BNC2: variants seen among roughly 807,000 people sequenced by gnomAD.
The protein encoded by BNC2 is zinc finger protein basonuclin-2.
A neutral mutation model predicts 76.3 loss-of-function variants in BNC2; 20 were observed. That is an observed-to-expected ratio of 0.26 (90% CI 0.18 to 0.38). The LOEUF (loss-of-function observed/expected upper bound fraction) is 0.38. Among genes scored for constraint, BNC2 ranks in the 10% least tolerant of loss-of-function variants. The pLI, the probability that BNC2 is intolerant of heterozygous loss-of-function variation, is 1.00. For missense variants in BNC2, 1,382 were observed against 1,399.8 expected (o/e 0.99, Z 0.20); for synonymous variants, 582 against 514.8 (o/e 1.13, Z -1.77).
intron 1 of BNC2, among the ~76,000 whole-genome samples, chr9:16,802,557 C>T (rs1341988507): frequency 5.9e-5 from 9 of 152,210 alleles, no homozygotes; most frequent in African/African-American, 2.2e-4. Flanking sequence ...GCAACAGAAG[C>T]TTCAGGTCTT....
At chr9:16,587,612 C>G (rs545285550) in intron 3 of BNC2, among the ~76,000 whole-genome samples, 2 of 152,136 alleles carry the variant, frequency 1.3e-5, no homozygotes, top group African/African-American at 4.8e-5. Context: ...GAGATCCACA[C>G]GGTTGATTGC....
intron 4 of BNC2, among the ~76,000 whole-genome samples, chr9:16,555,394 A>G (rs1011364064): frequency 6.6e-6 from 1 of 152,170 alleles, no homozygotes; most frequent in Non-Finnish European, 1.5e-5. Flanking sequence ...TTAAAAGAGC[A>G]CAGAAAGAAC....
At position 16,418,719 on chromosome 9, in the gene BNC2, A is replaced by T; in HGVS notation, c.*270T>A. On this transcript the variant is annotated 3_prime_UTR_variant, in exon 7 of 7. Transcript: ENST00000380672. ...GTGCATGTGTGTGTGTGTGTGTTTA[A>T]AGGGGTACTCTGTTTTCACCCTGAA... is the stretch of plus-strand genomic sequence containing the variant. The T allele has an allele frequency of 1.9e-5, 8 of 426,126 alleles. No homozygotes were observed. Among genetic ancestry groups the T allele is most frequent in the Non-Finnish European group, 2.1e-5 (5 of 232,874 alleles). The allele number at this position is 426,126 out of a possible 1,614,324, so 26.4% of individuals were successfully genotyped here.
At chr9:16,750,950 C>T (rs991719464) in intron 1 of BNC2, among the ~76,000 whole-genome samples, 5 of 152,166 alleles carry the variant, frequency 3.3e-5, no homozygotes, top group East Asian at 3.9e-4. Context: ...GGTACTTCAG[C>T]GGCAATGGCA....
At chr9:16,828,227 CA>C (rs925156249) in intron 1 of BNC2, among the ~76,000 whole-genome samples, 6 of 149,832 alleles carry the variant, frequency 4.0e-5, no homozygotes, top group Non-Finnish European at 5.9e-5. Flanking sequence ...TAACTGTGCC[CA>C]AAAAAAAATC....
chr9:16,770,516 G>A (rs1057067717), intron 1 of BNC2, among the ~76,000 whole-genome samples: 1 of 152,144 alleles, frequency 6.6e-6, no homozygotes, highest in African/African-American at 2.4e-5. Flanking sequence ...GAATACTGGA[G>A]CAACTACTTC....
chr9:16,483,660 T>C (rs993695770), intron 5 of BNC2, among the ~76,000 whole-genome samples: 1 of 152,234 alleles, frequency 6.6e-6, no homozygotes, highest in African/African-American at 2.4e-5. Flanking sequence ...GAAAAGCATC[T>C]GCTTTAACTC....
intron 1 of BNC2, among the ~76,000 whole-genome samples, chr9:16,817,912 A>G (rs1023231806): frequency 6.6e-6 from 1 of 152,270 alleles, no homozygotes; most frequent in African/African-American, 2.4e-5. Context: ...AAAGGAAGCA[A>G]TATGACAATG....
chr9:16,444,409 C>G (rs938956537), intron 5 of BNC2, among the ~76,000 whole-genome samples: 1 of 152,148 alleles, frequency 6.6e-6, no homozygotes, highest in Non-Finnish European at 1.5e-5. Context: ...TTCGCAGACA[C>G]TCTGCAAGAC....
At chr9:16,870,615 TA>T (rs756164239) in intron 1 of BNC2, 30 bp downstream of exon 1, 8 of 1,609,178 alleles carry the variant, frequency 5.0e-6, no homozygotes, top group Non-Finnish European at 6.8e-6. Flanking sequence ...AAGTCTAGAA[TA>T]AAAGAGGAAG....
At chr9:16,558,183 C>T (rs1455481215) in intron 4 of BNC2, among the ~76,000 whole-genome samples, 1 of 152,094 alleles carries the variant, frequency 6.6e-6, no homozygotes, top group East Asian at 1.9e-4. Flanking sequence ...TACTCCTTAG[C>T]CAGGCCTAGA....
At chr9:16,690,256 G>A (rs1823116892) in intron 3 of BNC2, among the ~76,000 whole-genome samples, 1 of 152,130 alleles carries the variant, frequency 6.6e-6, no homozygotes, top group African/African-American at 2.4e-5. Flanking sequence ...CACTTAGGGA[G>A]GTCAAGGCAG....
At chr9:16,605,138 C>G (rs962507686) in intron 3 of BNC2, among the ~76,000 whole-genome samples, 2 of 152,150 alleles carry the variant, frequency 1.3e-5, no homozygotes, top group Non-Finnish European at 2.9e-5. Flanking sequence ...AAACACATGA[C>G]TAGATTGTGA....
At chr9:16,711,925 A>G (rs750959832) in intron 3 of BNC2, among the ~76,000 whole-genome samples, 23 of 152,248 alleles carry the variant, frequency 1.5e-4, no homozygotes, top group Non-Finnish European at 2.5e-4. Context: ...CAATCTGATT[A>G]GGACAAAACA....
intron 3 of BNC2, among the ~76,000 whole-genome samples, chr9:16,612,757 A>C (rs1229007312): frequency 2.0e-5 from 3 of 152,174 alleles, no homozygotes; most frequent in African/African-American, 7.2e-5. Flanking sequence ...GGTTCAGGGG[A>C]GACAGACTAC....
intron 1 of BNC2, among the ~76,000 whole-genome samples, chr9:16,851,742 T>C (rs1180277777): frequency 6.6e-6 from 1 of 152,112 alleles, no homozygotes; most frequent in Non-Finnish European, 1.5e-5. Context: ...GCCTGAACTA[T>C]TAAAAATGAA....
At chr9:16,577,547 TACTG>T (rs367839167) in intron 4 of BNC2, among the ~76,000 whole-genome samples, 132 of 152,228 alleles carry the variant, frequency 8.7e-4, no homozygotes, top group African/African-American at 3.1e-3. Context: ...AATAAATATC[TACTG>T]ACTGATGATC....
In BNC2 at chr9:16,445,396, C is replaced by T. The variant is rs191990516; in HGVS notation, c.670-7872G>A. Among the ~76,000 whole-genome samples the T allele has an allele frequency of 2.2e-3, 333 of 152,146 alleles. 1 individual carries two copies. Among genetic ancestry groups the T allele is most frequent in the African/African-American group, 7.7e-3 (320 of 41,528 alleles). On this transcript the variant is annotated intron_variant, in intron 5 of 6. Transcript: ENST00000380672. ...TTTCCAGAACTTCGGGCTAATGTTTCTAGGAGGCCAGCTGGAACAACTGTA... is the reference window on the plus strand; with the variant it reads ...TTTCCAGAACTTCGGGCTAATGTTTTTAGGAGGCCAGCTGGAACAACTGTA...
rs917698629 is a variant in BNC2, at chr9:16,530,755, T to C, written c.669+21775A>G. 4.6e-5 allele frequency among the ~76,000 whole-genome samples: 7 copies of C among 152,328 alleles called. No individual in the cohort carries two copies. The East Asian group carries it at 1.4e-3, about 29-fold the overall frequency. On this transcript the variant is annotated intron_variant, in intron 5 of 6. Transcript: ENST00000380672. Reference sequence around the variant, plus strand: ...GCAGAACTTCTGGTGTCTGAGAATCTGACAAGAAGAGAAATGAGTTCACTA... The same window carrying C: ...GCAGAACTTCTGGTGTCTGAGAATCCGACAAGAAGAGAAATGAGTTCACTA...
Sources: gnomAD v4.1 joint callset for allele counts (sites outside exome capture counted in the v4.1 genomes callset) on GRCh38, gnomAD v4.1.1 for gene constraint, MANE v1.5 for transcripts, NCBI Gene and HGNC (gene_info 2026-07-23, HGNC 2026-07-21) for gene names.